The following CTNNA3 variants were observed in gnomAD, a reference collection of about 807,000 sequenced individuals.
The protein encoded by CTNNA3 is catenin alpha 3.
CTNNA3 carries 76 observed loss-of-function variants against 95.7 expected under a neutral mutation model. The observed-to-expected ratio is 0.79, with a 90% CI of 0.66 to 0.96. The LOEUF (loss-of-function observed/expected upper bound fraction) is 0.96, where lower values mean the gene tolerates loss of function less well. Among genes scored for constraint, CTNNA3 ranks in the 40% least tolerant of loss-of-function variants. The pLI is 0.00. For synonymous variants in CTNNA3, 431 were observed against 374.4 expected (o/e 1.15, Z -1.74); for missense variants, 1,191 against 1,089.8 (o/e 1.09, Z -1.31).
intron 10 of CTNNA3, among the ~76,000 whole-genome samples, chr10:66,537,968 T>C (rs1011208497): frequency 2.0e-5 from 3 of 152,122 alleles, no homozygotes; most frequent in African/African-American, 7.2e-5. Flanking sequence ...ATCACAAAGT[T>C]ATCTTCCAAA....
chr10:67,408,782 C>A (rs1845243169), intron 5 of CTNNA3, among the ~76,000 whole-genome samples: 1 of 147,092 alleles, frequency 6.8e-6, no homozygotes, highest in South Asian at 2.1e-4. Flanking sequence ...AAGAAACTAT[C>A]ATCAAGTGAA....
intron 7 of CTNNA3, among the ~76,000 whole-genome samples, chr10:66,943,335 A>ATT (rs150723820): frequency 6.6e-6 from 1 of 151,334 alleles, no homozygotes. Flanking sequence ...ATCTTATTAG[A>ATT]TTTTTTTTTA....
chr10:66,970,368 C>A (rs1312437815), intron 7 of CTNNA3, among the ~76,000 whole-genome samples: 1 of 152,070 alleles, frequency 6.6e-6, no homozygotes, highest in South Asian at 2.1e-4. Context: ...CATACACAGT[C>A]AGCTTCTTCT....
intron 1 of CTNNA3, among the ~76,000 whole-genome samples, chr10:67,711,231 G>C (rs763516367): frequency 6.6e-6 from 1 of 152,196 alleles, no homozygotes; most frequent in Non-Finnish European, 1.5e-5. Context: ...GGTACCAGTA[G>C]AGTGGCGCAT....
chr10:66,489,203 C>T (rs10997178), intron 11 of CTNNA3, among the ~76,000 whole-genome samples: 12,453 of 152,116 alleles, frequency 0.082, 1,199 homozygotes, highest in East Asian at 0.32. Context: ...CAAAATTTTA[C>T]TCAGAAGCTA....
At chr10:66,650,930 T>C (rs1845874205) in intron 9 of CTNNA3, among the ~76,000 whole-genome samples, 1 of 152,162 alleles carries the variant, frequency 6.6e-6, no homozygotes, top group South Asian at 2.1e-4. Flanking sequence ...CCCAACACGT[T>C]GCCACCGCTG....
intron 13 of CTNNA3, among the ~76,000 whole-genome samples, chr10:66,207,779 G>A (rs936337782): frequency 6.6e-6 from 1 of 152,026 alleles, no homozygotes; most frequent in Non-Finnish European, 1.5e-5. Flanking sequence ...GGCTTGTAAT[G>A]ATTATGTGGT....
intron 9 of CTNNA3, among the ~76,000 whole-genome samples, chr10:66,752,567 A>G (rs1274302279): frequency 6.6e-6 from 1 of 152,132 alleles, no homozygotes; most frequent in Non-Finnish European, 1.5e-5. Flanking sequence ...ATATATAGTA[A>G]ATTTAATAAG....
chr10:67,169,499 T>C (rs965927568), intron 7 of CTNNA3, among the ~76,000 whole-genome samples: 4 of 152,166 alleles, frequency 2.6e-5, no homozygotes, highest in African/African-American at 9.6e-5. Flanking sequence ...TCTGATCTTT[T>C]GACAAAGCTG....
intron 15 of CTNNA3, among the ~76,000 whole-genome samples, chr10:66,009,333 G>A (rs958979814): frequency 2.8e-4 from 43 of 152,100 alleles, no homozygotes; most frequent in African/African-American, 8.9e-4. Context: ...ACAATGGGTC[G>A]CACTTAAGGA....
intron 1 of CTNNA3, among the ~76,000 whole-genome samples, chr10:67,705,505 A>C (rs1295010809): frequency 6.7e-6 from 1 of 150,110 alleles, no homozygotes; most frequent in Admixed American, 6.6e-5. Flanking sequence ...GGAAATCATC[A>C]TTCTCAGTAA....
intron 13 of CTNNA3, among the ~76,000 whole-genome samples, chr10:66,123,616 G>C (rs2082684568): frequency 2.0e-5 from 3 of 152,168 alleles, no homozygotes; most frequent in Non-Finnish European, 4.4e-5. Context: ...TGTCCTAGCA[G>C]AGGTTCTCCA....
rs1450785904 is a variant in CTNNA3, at chr10:66,447,518, C to T, written c.1532-68166G>A. Among the ~76,000 whole-genome samples, 3 of 150,220 alleles carry T rather than the reference C, an allele frequency of 2.0e-5. No individual in the cohort carries two copies. In the East Asian group the frequency reaches 5.9e-4, roughly 30 times the overall value. On this transcript the variant is annotated intron_variant, in intron 11 of 17. Coordinates refer to ENST00000433211, the MANE Select transcript of CTNNA3 (RefSeq NM_013266.4). ...CAGAACAGAGCCCTCAGAAATAATG[C>T]CACATATCTACAACCCTCTGATCTT...
Position 66,154,702 on chromosome 10 carries a change from T to C in CTNNA3, c.1885-51453A>G, listed in dbSNP as rs115870245. Among the ~76,000 whole-genome samples, 304 of 46,124 alleles carry C rather than the reference T, an allele frequency of 6.6e-3. 6 individuals are homozygous for C. The highest frequency in any genetic ancestry group is 0.025 in the African/African-American group (289 of 11,792). The allele number at this position is 46,124 out of a possible 152,430, so 30.3% of individuals were successfully genotyped here. A position where few individuals can be genotyped will look rare whatever the true frequency, so the allele number is the denominator to read the frequency against. Reference sequence around the variant, plus strand: ...TCTGGCAATCATCTTTTTCTCTCTCTACTTTTTGAAAAAGTTCATATATAT... The same window carrying C: ...TCTGGCAATCATCTTTTTCTCTCTCCACTTTTTGAAAAAGTTCATATATAT... On this transcript the variant is annotated intron_variant, in intron 13 of 17. Coordinates refer to ENST00000433211, the MANE Select transcript of CTNNA3 (RefSeq NM_013266.4).
chr10:67,360,317 C>T (rs1842951880), intron 5 of CTNNA3, among the ~76,000 whole-genome samples: 1 of 150,678 alleles, frequency 6.6e-6, no homozygotes, highest in Admixed American at 6.6e-5. Flanking sequence ...AAGCTACAAG[C>T]TAATAATATC....
At chr10:67,433,809 T>C (rs541654808) in intron 5 of CTNNA3, among the ~76,000 whole-genome samples, 1 of 152,150 alleles carries the variant, frequency 6.6e-6, no homozygotes, top group Non-Finnish European at 1.5e-5. Context: ...CTTCGCACAA[T>C]AGCTTTAAGT....
intron 12 of CTNNA3, among the ~76,000 whole-genome samples, chr10:66,314,928 T>G (rs2092078097): frequency 6.6e-6 from 1 of 152,026 alleles, no homozygotes; most frequent in South Asian, 2.1e-4. Context: ...TAAGTCCCCT[T>G]TAAAATAGAA....
At chr10:66,090,688 A>C (rs1358784149) in intron 14 of CTNNA3, among the ~76,000 whole-genome samples, 1 of 151,972 alleles carries the variant, frequency 6.6e-6, no homozygotes, top group Non-Finnish European at 1.5e-5. Context: ...TTTTTCTAAA[A>C]GCTCTGTTTC....
chr10:67,673,681 T>C (rs199900682), intron 1 of CTNNA3, among the ~76,000 whole-genome samples: 2 of 149,908 alleles, frequency 1.3e-5, no homozygotes, highest in Non-Finnish European at 3.0e-5. Flanking sequence ...TTGCGTATGT[T>C]GAACCAGCCT....
Sources: allele counts gnomAD v4.1 joint callset (sites outside exome capture counted in the v4.1 genomes callset), GRCh38; gene constraint gnomAD v4.1.1; transcripts MANE v1.5; gene names NCBI Gene and HGNC (gene_info 2026-07-23, HGNC 2026-07-21).